Variants in NFATC2 observed in about 807,000 individuals in gnomAD.
The protein encoded by NFATC2 is nuclear factor of activated T-cells, cytoplasmic 2.
Under a neutral mutation model 87.3 loss-of-function variants are expected in NFATC2, and 22 were observed. The ratio of observed to expected loss-of-function variants is 0.25; its 90% CI spans 0.18 to 0.36. NFATC2 has a LOEUF of 0.36. Ranked by LOEUF, NFATC2 falls within the 10% of genes least tolerant of loss-of-function variation. NFATC2 has a pLI of 1.00. For missense variants in NFATC2, 1,149 were observed against 1,259.1 expected (o/e 0.91, Z 1.32); for synonymous variants, 565 against 542.2 (o/e 1.04, Z -0.58).
chr20:51,471,912 C>T (rs1014628471), intron 5 of NFATC2, among the ~76,000 whole-genome samples: 1 of 152,220 alleles, frequency 6.6e-6, no homozygotes, highest in Non-Finnish European at 1.5e-5. Flanking sequence ...CACCATGGCA[C>T]ATGTTTACCT....
intron 9 of NFATC2, among the ~76,000 whole-genome samples, chr20:51,413,859 C>G (rs572053421): frequency 6.6e-6 from 1 of 152,324 alleles, no homozygotes; most frequent in South Asian, 2.1e-4. Flanking sequence ...TACTTAACCT[C>G]CCTGGGCTAC....
At chr20:51,537,998 C>CA (rs1444732109) in intron 1 of NFATC2, among the ~76,000 whole-genome samples, 2 of 152,174 alleles carry the variant, frequency 1.3e-5, no homozygotes, top group Admixed American at 1.3e-4. Flanking sequence ...AGAAAGCCAT[C>CA]AAGAAACAAC....
intron 9 of NFATC2, among the ~76,000 whole-genome samples, chr20:51,409,854 A>C (rs963745856): frequency 6.6e-5 from 10 of 152,252 alleles, no homozygotes; most frequent in Middle Eastern, 3.2e-3. Flanking sequence ...GAAACTGAAA[A>C]GACATTTCAA....
intron 9 of NFATC2, among the ~76,000 whole-genome samples, chr20:51,402,566 C>T (rs1297361760): frequency 1.3e-5 from 2 of 151,668 alleles, no homozygotes; most frequent in African/African-American, 4.8e-5. Context: ...CACAAATCAG[C>T]CTGTGATCAC....
intron 2 of NFATC2, among the ~76,000 whole-genome samples, chr20:51,517,856 G>T (rs1211047196): frequency 6.6e-6 from 1 of 150,828 alleles, no homozygotes; most frequent in Non-Finnish European, 1.5e-5. Flanking sequence ...GGTGGAGGTT[G>T]CAGTCAGCTG....
chr20:51,480,939 A>G lies in NFATC2; in HGVS notation c.1333-5279T>C, dbSNP rs1989201811. Among the ~76,000 whole-genome samples, 1 of 152,202 alleles carries G rather than the reference A, an allele frequency of 6.6e-6. No homozygotes were observed. Among genetic ancestry groups the G allele is most frequent in the South Asian group, 2.1e-4 (1 of 4,810 alleles). On this transcript the variant is annotated intron_variant, in intron 3 of 10. Coordinates refer to ENST00000371564, the MANE Select transcript of NFATC2 (RefSeq NM_012340.5). The surrounding 1 kb of genome is among the most constrained non-coding windows in gnomAD (Gnocchi z 4.2). Reference sequence around the variant, plus strand: ...GTGAGAACCAACGTGAAGGCCTCCCATATGGGAAAGCCCAGGCACTAATTG... The same window carrying G: ...GTGAGAACCAACGTGAAGGCCTCCCGTATGGGAAAGCCCAGGCACTAATTG...
intron 1 of NFATC2, among the ~76,000 whole-genome samples, chr20:51,559,579 C>G (rs2077004816): frequency 6.6e-6 from 1 of 152,238 alleles, no homozygotes; most frequent in African/African-American, 2.4e-5. Context: ...CCAACCCCTC[C>G]TCCAGGAAGG....
intron 3 of NFATC2, among the ~76,000 whole-genome samples, chr20:51,492,842 G>A (rs2075918904): frequency 6.6e-6 from 1 of 152,272 alleles, no homozygotes; most frequent in Non-Finnish European, 1.5e-5. Context: ...GTGAGCGCCG[G>A]CCGGGGCTGG....
chr20:51,462,716 T>C (rs1407791782), intron 5 of NFATC2, among the ~76,000 whole-genome samples: 1 of 152,182 alleles, frequency 6.6e-6, no homozygotes, highest in Non-Finnish European at 1.5e-5. Flanking sequence ...TGGGCCTGCG[T>C]GGCATCTCAT....
intron 3 of NFATC2, among the ~76,000 whole-genome samples, chr20:51,494,825 C>G (rs2146599935): frequency 6.6e-6 from 1 of 152,232 alleles, no homozygotes; most frequent in East Asian, 1.9e-4. Context: ...CCGGTAAAAC[C>G]CTGGGCTCCA....
intron 9 of NFATC2, among the ~76,000 whole-genome samples, chr20:51,429,372 T>C (rs1321378026): frequency 6.6e-6 from 1 of 152,252 alleles, no homozygotes; most frequent in Non-Finnish European, 1.5e-5. Flanking sequence ...TGCTGCCTTT[T>C]GGAGGCCACG....
rs552286307 is a variant in NFATC2, at chr20:51,526,386, G to A, written c.131-2276C>T. 6.0e-4 allele frequency among the ~76,000 whole-genome samples: 92 copies of A among 152,210 alleles called. 1 individual carries two copies. In the Middle Eastern group the frequency reaches 0.017, roughly 28 times the overall value. Reference sequence around the variant, plus strand: ...CAGCAGAGTTGGTAGTCTGGGAACCGAATGGCCCCCAAAGCCTGAAATATT... The same window carrying A: ...CAGCAGAGTTGGTAGTCTGGGAACCAAATGGCCCCCAAAGCCTGAAATATT... On this transcript the variant is annotated intron_variant, in intron 1 of 10. Coordinates refer to ENST00000371564, the MANE Select transcript of NFATC2 (RefSeq NM_012340.5).
At chr20:51,427,592 G>T (rs1458770620) in intron 9 of NFATC2, among the ~76,000 whole-genome samples, 1 of 152,146 alleles carries the variant, frequency 6.6e-6, no homozygotes, top group Admixed American at 6.5e-5. Flanking sequence ...GGCAGCCAGA[G>T]TGATCTTCTC....
intron 1 of NFATC2, among the ~76,000 whole-genome samples, chr20:51,549,188 A>G (rs1779476846): frequency 6.6e-6 from 1 of 152,246 alleles, no homozygotes; most frequent in African/African-American, 2.4e-5. Context: ...AGTGAGAGAA[A>G]AAAAAAGAAT....
intron 3 of NFATC2, among the ~76,000 whole-genome samples, chr20:51,507,166 T>C (rs2076197691): frequency 6.6e-6 from 1 of 152,100 alleles, no homozygotes; most frequent in African/African-American, 2.4e-5. Context: ...AACCCAGAAG[T>C]TCAAAGCCAA....
intron 1 of NFATC2, among the ~76,000 whole-genome samples, chr20:51,558,487 G>A (rs564168478): frequency 1.3e-5 from 2 of 152,006 alleles, no homozygotes; most frequent in African/African-American, 4.8e-5. Flanking sequence ...GTTTTTTTGG[G>A]GGGGGGCGAG....
intron 3 of NFATC2, among the ~76,000 whole-genome samples, chr20:51,484,464 G>A (rs1190409956): frequency 4.6e-5 from 7 of 152,206 alleles, no homozygotes; most frequent in Non-Finnish European, 7.3e-5. Flanking sequence ...CAGTCCCGTG[G>A]GGGCAGCACC....
In NFATC2 at chr20:51,391,521, A is replaced by G; in HGVS notation, c.*45-70T>C. The stretch of plus-strand genomic sequence containing the variant: ...TGAGAGGGCACCGAAAACATGCATC[A>G]GGTTCACTTTCTAGAACCTCTATTG... On this transcript the variant is annotated intron_variant, in intron 10 of 10. Coordinates refer to ENST00000371564, the MANE Select transcript of NFATC2 (RefSeq NM_012340.5). 3 of 1,510,872 alleles carry G rather than the reference A, an allele frequency of 2.0e-6. No individual in the cohort carries two copies. In the South Asian group the frequency reaches 3.4e-5, roughly 17 times the overall value. The allele number at this position is 1,510,872 out of a possible 1,614,324, so 93.6% of individuals were successfully genotyped here.
chr20:51,406,198 T>C (rs2426301), intron 9 of NFATC2, among the ~76,000 whole-genome samples: 126,499 of 152,228 alleles, frequency 0.83, 53,101 homozygotes, highest in South Asian at 0.91. Context: ...GCAGCTATTA[T>C]GTGGCAGAGC....
Sources: gnomAD v4.1 joint callset for allele counts (sites outside exome capture counted in the v4.1 genomes callset) on GRCh38, gnomAD v4.1.1 for gene constraint, Gnocchi (gnomAD v3.1) non-coding constraint, MANE v1.5 for transcripts, NCBI Gene and HGNC (gene_info 2026-07-23, HGNC 2026-07-21) for gene names.